Variants in CCDC149 observed in about 807,000 individuals in gnomAD.
CCDC149 encodes the protein coiled-coil domain-containing protein 149.
Under a neutral mutation model 59.9 loss-of-function variants are expected in CCDC149, and 45 were observed. That is an observed-to-expected ratio of 0.75 (90% CI 0.59 to 0.96). The LOEUF is 0.96. Ranked by LOEUF, CCDC149 falls within the 40% of genes least tolerant of loss-of-function variation. The pLI is 0.00. For missense variants in CCDC149, 584 were observed against 664.7 expected, an observed-to-expected ratio of 0.88 and a Z score of 1.33; for synonymous variants, 245 against 260.6, an observed-to-expected ratio of 0.94 and a Z score of 0.58.
chr4:24,819,403 C>A (rs1715217140), intron 12 of CCDC149, among the ~76,000 whole-genome samples: 1 of 152,166 alleles, frequency 6.6e-6, no homozygotes, highest in African/African-American at 2.4e-5. Context: ...CTCACTGCAA[C>A]CTCTGCCTCC....
At chr4:24,936,713 G>A (rs1435632653) in intron 1 of CCDC149, among the ~76,000 whole-genome samples, 1 of 148,872 alleles carries the variant, frequency 6.7e-6, no homozygotes, top group Non-Finnish European at 1.5e-5. Context: ...CCCCATTAGG[G>A]CAGTGGGGAT....
chr4:24,852,287 T>TACACACACACAC (rs768071017), intron 4 of CCDC149, among the ~76,000 whole-genome samples: 206 of 121,352 alleles, frequency 1.7e-3, no homozygotes, highest in African/African-American at 2.2e-3. Context: ...CAACACACCA[T>TACACACACACAC]ACACACACAC....
chr4:24,948,327 T>C (rs1488585334), intron 1 of CCDC149, among the ~76,000 whole-genome samples: 1 of 152,190 alleles, frequency 6.6e-6, no homozygotes, highest in Non-Finnish European at 1.5e-5. Flanking sequence ...CCTTGTGAAA[T>C]AAAAAGGTTG....
intron 12 of CCDC149, among the ~76,000 whole-genome samples, chr4:24,813,543 A>G (rs1714809127): frequency 7.1e-6 from 1 of 140,020 alleles, no homozygotes; most frequent in Non-Finnish European, 1.5e-5. Flanking sequence ...CTAAAAAGGA[A>G]ATATAATCTA....
At chr4:24,970,996 G>T (rs1239609203) in intron 1 of CCDC149, among the ~76,000 whole-genome samples, 1 of 152,192 alleles carries the variant, frequency 6.6e-6, no homozygotes, top group Non-Finnish European at 1.5e-5. Context: ...GATGAGAAAG[G>T]TGGTGTTGCA....
downstream of CCDC149, among the ~76,000 whole-genome samples, chr4:24,804,231 G>A (rs182709201): frequency 2.6e-5 from 4 of 152,228 alleles, no homozygotes; most frequent in East Asian, 1.9e-4. Context: ...AGTGGCTCAC[G>A]CCTGCAATCC....
chr4:24,813,232 C>A (rs1714747709), intron 12 of CCDC149, among the ~76,000 whole-genome samples: 1 of 152,044 alleles, frequency 6.6e-6, no homozygotes. Flanking sequence ...GAAGAAGGCC[C>A]TCCTGAGTCA....
intron 1 of CCDC149, chr4:24,894,851 G>A (rs59796303): frequency 0.17 from 173,856 of 1,039,538 alleles, 15,197 homozygotes; most frequent in South Asian, 0.23. Flanking sequence ...TCTCAAAGTC[G>A]CTGACACCCC....
chr4:24,846,785 G>A (rs948657454), intron 4 of CCDC149, among the ~76,000 whole-genome samples: 6 of 152,194 alleles, frequency 3.9e-5, no homozygotes, highest in Non-Finnish European at 5.9e-5. Flanking sequence ...TTTGCCAGCA[G>A]GGGCCCAGGA....
At chr4:24,906,017 G>A (rs913157635) in intron 1 of CCDC149, among the ~76,000 whole-genome samples, 16 of 152,164 alleles carry the variant, frequency 1.1e-4, no homozygotes, top group African/African-American at 3.1e-4. Flanking sequence ...TACCCTAATC[G>A]TGGAGCAACA....
At chr4:24,828,566 T>C (rs1715911420) in intron 9 of CCDC149, 1 of 152,024 alleles carries the variant, frequency 6.6e-6, no homozygotes, top group Admixed American at 6.6e-5. Context: ...TGACTTCAGG[T>C]CAAGAGTTTG....
intron 8 of CCDC149, among the ~76,000 whole-genome samples, chr4:24,834,195 C>CT (rs1716345792): frequency 6.6e-6 from 1 of 152,036 alleles, no homozygotes; most frequent in South Asian, 2.1e-4. Context: ...TTTTAAGCCA[C>CT]TGTAGTGCTG....
intron 1 of CCDC149, among the ~76,000 whole-genome samples, chr4:24,952,626 A>T (rs10939020): frequency 8.4e-4 from 24 of 28,442 alleles, no homozygotes; most frequent in Non-Finnish European, 1.2e-3. Flanking sequence ...AAAAAAAAAA[A>T]ATATATATAT....
chr4:24,811,643 C>T (rs572741483), intron 12 of CCDC149, among the ~76,000 whole-genome samples: 10 of 152,214 alleles, frequency 6.6e-5, no homozygotes, highest in Middle Eastern at 3.4e-3. Context: ...GAAGCTGAGG[C>T]GGGCGGATCA....
chr4:24,931,492 A>G (rs1294114964), intron 1 of CCDC149, among the ~76,000 whole-genome samples: 1 of 151,582 alleles, frequency 6.6e-6, no homozygotes, highest in Admixed American at 6.6e-5. Context: ...CCACTCAGGT[A>G]CCCAGGCTGA....
At chr4:24,934,722 G>T (rs550467381) in intron 1 of CCDC149, among the ~76,000 whole-genome samples, 5 of 152,306 alleles carry the variant, frequency 3.3e-5, no homozygotes, top group Non-Finnish European at 5.9e-5. Context: ...AGCAAAGATG[G>T]TCTAGATGCA....
At position 24,891,095 on chromosome 4, in the gene CCDC149, T is replaced by C. The variant is rs536216850; in HGVS notation, c.64-14398A>G. The stretch of plus-strand genomic sequence containing the variant: ...TTCCTGAGCACTGTTAATTTGCTCC[T>C]GCACTTCATCTTTGTCGATTTTATT... On this transcript the variant is annotated intron_variant, in intron 1 of 12. Coordinates refer to ENST00000635206, the MANE Select transcript of CCDC149 (RefSeq NM_001330643.2). Among the ~76,000 whole-genome samples the C allele has an allele frequency of 6.6e-5, 10 of 152,374 alleles. No homozygotes were observed. The South Asian group carries it at 1.0e-3, about 16-fold the overall frequency.
intron 1 of CCDC149, among the ~76,000 whole-genome samples, chr4:24,962,588 A>T (rs1404613685): frequency 6.6e-6 from 1 of 152,218 alleles, no homozygotes; most frequent in Non-Finnish European, 1.5e-5. Flanking sequence ...TTGTAGGGAC[A>T]TGGATGAAGC....
At chr4:24,893,532 G>C (rs1720647832) in intron 1 of CCDC149, among the ~76,000 whole-genome samples, 3 of 148,698 alleles carry the variant, frequency 2.0e-5, no homozygotes, top group Admixed American at 1.3e-4. Context: ...ACAAAAGTAA[G>C]TAAGCAGTAC....
Sources: allele counts gnomAD v4.1 joint callset (sites outside exome capture counted in the v4.1 genomes callset), GRCh38; gene constraint gnomAD v4.1.1; transcripts MANE v1.5; gene names NCBI Gene and HGNC (gene_info 2026-07-23, HGNC 2026-07-21).